Variants in CDH4 observed in about 807,000 individuals in gnomAD.
CDH4 encodes cadherin-4.
Under a neutral mutation model 86.0 loss-of-function variants are expected in CDH4, and 33 were observed. The observed-to-expected ratio is 0.38, with a 90% CI of 0.29 to 0.51. The LOEUF (loss-of-function observed/expected upper bound fraction) is 0.51, where lower values mean the gene tolerates loss of function less well. Ranked by LOEUF, CDH4 falls within the 20% of genes least tolerant of loss-of-function variation. The pLI, the probability that CDH4 is intolerant of heterozygous loss-of-function variation, is 0.86. For synonymous variants in CDH4, 555 were observed against 549.4 expected, an observed-to-expected ratio of 1.01 and a Z score of -0.14; for missense variants, 1,114 against 1,307.4, an observed-to-expected ratio of 0.85 and a Z score of 2.28.
chr20:61,473,815 T>TCAGA (rs940358160), intron 2 of CDH4, among the ~76,000 whole-genome samples: 1 of 151,644 alleles, frequency 6.6e-6, no homozygotes, highest in South Asian at 2.1e-4. Context: ...ACACAGACAC[T>TCAGA]CAGACAGACA....
Position 61,345,408 on chromosome 20 carries a change from G to A in CDH4, c.169+90471G>A, listed in dbSNP as rs545842148. Among the ~76,000 whole-genome samples, 19 of 152,242 alleles carry A rather than the reference G, an allele frequency of 1.2e-4. No homozygotes were observed. The East Asian group carries it at 2.3e-3, about 19-fold the overall frequency. ...CAGTGTTCGTTCTTGTAATTAATTC[G>A]CCATGTTTCATTGGGAATATAATGT... On this transcript the variant is annotated intron_variant, in intron 2 of 15. Coordinates refer to ENST00000614565, the MANE Select transcript of CDH4 (RefSeq NM_001794.5).
intron 2 of CDH4, among the ~76,000 whole-genome samples, chr20:61,315,698 C>G (rs898745884): frequency 6.6e-6 from 1 of 152,100 alleles, no homozygotes; most frequent in East Asian, 1.9e-4. Context: ...TGATTTTTTA[C>G]GTTTTCATTA....
In CDH4 at chr20:61,936,732, C is replaced by T. The variant is rs767699857; in HGVS notation, c.2545-5C>T. On this transcript the variant is annotated splice_region_variant and splice_polypyrimidine_tract_variant and intron_variant, in intron 15 of 15. Transcript: ENST00000614565. ...GCACCCTAACTCTGTGTCTGTGACC[C>T]CCAGGGACTCCGCGCTGCTGACAAC... is the stretch of plus-strand genomic sequence containing the variant. 17 of 1,553,322 alleles carry T rather than the reference C, an allele frequency of 1.1e-5. No individual in the cohort carries two copies. Among genetic ancestry groups the T allele is most frequent in the Non-Finnish European group, 1.5e-5 (17 of 1,150,524 alleles).
At chr20:61,774,034 C>T (rs913006533) in intron 4 of CDH4, among the ~76,000 whole-genome samples, 2 of 152,146 alleles carry the variant, frequency 1.3e-5, no homozygotes, top group African/African-American at 4.8e-5. Context: ...CACCAGGGAG[C>T]AGCCAAAATG....
At chr20:61,833,666 A>C (rs1981728507) in intron 4 of CDH4, among the ~76,000 whole-genome samples, 1 of 151,988 alleles carries the variant, frequency 6.6e-6, no homozygotes, top group Non-Finnish European at 1.5e-5. Flanking sequence ...AGCCCTCATA[A>C]CTGACCAAGC....
intron 2 of CDH4, among the ~76,000 whole-genome samples, chr20:61,567,006 G>A (rs997481291): frequency 1.2e-4 from 19 of 152,300 alleles, no homozygotes; most frequent in African/African-American, 4.1e-4. Flanking sequence ...GGGGAGCTTT[G>A]TGGACACTGA....
At chr20:61,485,718 T>C (rs1314941702) in intron 2 of CDH4, among the ~76,000 whole-genome samples, 1 of 152,240 alleles carries the variant, frequency 6.6e-6, no homozygotes, top group African/African-American at 2.4e-5. Context: ...GAATCAGCCC[T>C]GGCCAGGTAC....
chr20:61,879,755 C>A lies in CDH4; in HGVS notation c.1050+5855C>A, dbSNP rs567751111. ...TGAAGGTGAGAGTGGGCTCTGCAGA[C>A]GCAGGCGCTGTTCCGATTGTTGGGC... is the stretch of plus-strand genomic sequence containing the variant. On this transcript the variant is annotated intron_variant, in intron 7 of 15. Coordinates refer to ENST00000614565, the MANE Select transcript of CDH4 (RefSeq NM_001794.5). The surrounding 1 kb of genome is among the most constrained non-coding windows in gnomAD (Gnocchi z 4.1). 1.3e-5 allele frequency among the ~76,000 whole-genome samples: 2 copies of A among 152,136 alleles called. No individual in the cohort carries two copies. Among genetic ancestry groups the A allele is most frequent in the Non-Finnish European group, 2.9e-5 (2 of 68,036 alleles).
chr20:61,633,750 G>A (rs572459554), intron 2 of CDH4, among the ~76,000 whole-genome samples: 1 of 152,338 alleles, frequency 6.6e-6, no homozygotes, highest in South Asian at 2.1e-4. Flanking sequence ...GAACTGACGA[G>A]ACCGTCAATG....
intron 2 of CDH4, among the ~76,000 whole-genome samples, chr20:61,605,385 C>T (rs1026513361): frequency 2.6e-5 from 4 of 151,920 alleles, no homozygotes; most frequent in Non-Finnish European, 5.9e-5. Context: ...CTCTCTGTAT[C>T]TCTGTCTCTC....
rs571210042 is a variant in CDH4 at position 61,929,655 on chromosome 20, G to A, written c.2052G>A (p.Gly684=). The A allele has an allele frequency of 1.1e-5, 18 of 1,614,128 alleles. No homozygotes were observed. The East Asian group carries it at 3.1e-4, about 28-fold the overall frequency. Residue 684 remains glycine (G), a synonymous_variant, in exon 13 of 16, where the codon GGG becomes GGA. Coordinates refer to ENST00000614565, the MANE Select transcript of CDH4 (RefSeq NM_001794.5). ...LSLRILYLEA[G]MYDVPIIVTD... is the part of the protein sequence containing the mutation. ...TGCGCATCCTGTACCTGGAGGCCGG[G>A]ATGTATGACGTCCCCATCATCGTCA...
In CDH4 at chr20:61,754,768, C is replaced by T. The variant is rs1043096283; in HGVS notation, c.396+10979C>T. 2.1e-5 allele frequency among the ~76,000 whole-genome samples: 3 copies of T among 146,250 alleles called. No homozygotes were observed. The highest frequency in any genetic ancestry group is 6.8e-5 in the Admixed American group (1 of 14,758). On this transcript the variant is annotated intron_variant, in intron 3 of 15. Transcript: ENST00000614565. The surrounding 1 kb of genome is among the most constrained non-coding windows in gnomAD (Gnocchi z 4.7). ...ATGCACACCACACACACAGTGCATG[C>T]CACACACACCACACACACACTGCAC...
chr20:61,417,851 G>A lies in CDH4; in HGVS notation c.169+162914G>A, dbSNP rs985634257. 6.6e-6 allele frequency among the ~76,000 whole-genome samples: 1 copy of A among 152,084 alleles called. No individual in the cohort carries two copies. The highest frequency in any genetic ancestry group is 1.5e-5 in the Non-Finnish European group (1 of 68,024). ...GCACTTCAGTGTACTGTGGTCCTGG[G>A]CCAAGGGGCCAGGCCAGGAGCAGCA... On this transcript the variant is annotated intron_variant, in intron 2 of 15. Coordinates refer to ENST00000614565, the MANE Select transcript of CDH4 (RefSeq NM_001794.5). The surrounding 1 kb of genome is among the most constrained non-coding windows in gnomAD (Gnocchi z 4.0).
intron 2 of CDH4, among the ~76,000 whole-genome samples, chr20:61,406,058 C>A (rs972391157): frequency 2.0e-5 from 3 of 152,214 alleles, no homozygotes; most frequent in South Asian, 2.1e-4. Context: ...ATAAACCCAG[C>A]CCCTTGGTGT....
At chr20:61,697,333 C>T (rs994771579) in intron 2 of CDH4, among the ~76,000 whole-genome samples, 1 of 152,186 alleles carries the variant, frequency 6.6e-6, no homozygotes, top group Non-Finnish European at 1.5e-5. Flanking sequence ...GGCACAGTGG[C>T]TCACGCCTGT....
intron 2 of CDH4, among the ~76,000 whole-genome samples, chr20:61,485,973 G>A (rs74712680): frequency 6.6e-6 from 1 of 152,174 alleles, no homozygotes; most frequent in Non-Finnish European, 1.5e-5. Context: ...AATCTGATGA[G>A]TGCATCAGCT....
Position 61,516,480 on chromosome 20 carries a change from G to A in CDH4, c.170-227083G>A, listed in dbSNP as rs936341095. 2.0e-5 allele frequency among the ~76,000 whole-genome samples: 3 copies of A among 152,150 alleles called. No individual in the cohort carries two copies. The highest frequency in any genetic ancestry group is 7.2e-5 in the African/African-American group (3 of 41,426). On this transcript the variant is annotated intron_variant, in intron 2 of 15. Transcript: ENST00000614565. This position sits in a 1 kb window ranked among gnomAD's most constrained non-coding sequence, Gnocchi z 4.0. ...ACAGACCGGGAGGCAGAGCCCCAGA[G>A]GTCAAGCCAGATGTCCATGTTGGGG...
At position 61,681,322 on chromosome 20, in the gene CDH4, A is replaced by G. The variant is rs2087510817; in HGVS notation, c.170-62241A>G. On this transcript the variant is annotated intron_variant, in intron 2 of 15. Coordinates refer to ENST00000614565, the MANE Select transcript of CDH4 (RefSeq NM_001794.5). The surrounding 1 kb of genome is among the most constrained non-coding windows in gnomAD (Gnocchi z 4.5). ...ATGAATTTTCTCTTTTGTCCAAATC[A>G]TACAAAATACTCTTTCTAAATTGTT... Among the ~76,000 whole-genome samples the G allele has an allele frequency of 1.3e-5, 2 of 152,256 alleles. No individual in the cohort carries two copies. The highest frequency in any genetic ancestry group is 4.1e-4 in the South Asian group (2 of 4,836).
chr20:61,365,533 T>G (rs1298072423), intron 2 of CDH4, among the ~76,000 whole-genome samples: 5 of 151,906 alleles, frequency 3.3e-5, no homozygotes. Flanking sequence ...TGGTTGGAGC[T>G]GGGGGGTAAT....
Sources: gnomAD v4.1 joint callset for allele counts (sites outside exome capture counted in the v4.1 genomes callset) on GRCh38, gnomAD v4.1.1 for gene constraint, Gnocchi (gnomAD v3.1) non-coding constraint, MANE v1.5 for transcripts, NCBI Gene and HGNC (gene_info 2026-07-23, HGNC 2026-07-21) for gene names.